ZFPM2: variants seen among roughly 807,000 people sequenced by gnomAD.
ZFPM2 encodes the protein zinc finger protein, FOG family member 2, also known as zinc finger protein ZFPM2.
ZFPM2 carries 20 observed loss-of-function variants against 98.6 expected under a neutral mutation model. The observed-to-expected ratio is 0.20, with a 90% CI of 0.14 to 0.29. The LOEUF (loss-of-function observed/expected upper bound fraction) is 0.29. ZFPM2 is among the 10% of genes least tolerant of loss of function. The pLI is 1.00. For synonymous variants in ZFPM2, 518 were observed against 502.7 expected (o/e 1.03, Z -0.41); for missense variants, 1,310 against 1,388.6 (o/e 0.94, Z 0.90).
At chr8:105,791,817 G>A (rs1813620751) in intron 6 of ZFPM2, among the ~76,000 whole-genome samples, 4 of 152,012 alleles carry the variant, frequency 2.6e-5, no homozygotes, top group African/African-American at 9.7e-5. Context: ...GTTTAGTCTT[G>A]GGAGAGTGTA....
At chr8:105,641,231 A>G (rs974020479) in intron 5 of ZFPM2, among the ~76,000 whole-genome samples, 2 of 152,006 alleles carry the variant, frequency 1.3e-5, no homozygotes, top group African/African-American at 4.8e-5. Context: ...ATTATGCTTA[A>G]CTCTGATAAT....
chr8:105,490,056 G>A (rs1232908309), intron 3 of ZFPM2, among the ~76,000 whole-genome samples: 2 of 151,910 alleles, frequency 1.3e-5, no homozygotes, highest in African/African-American at 4.8e-5. Context: ...AGACCAGCCC[G>A]ACCAACATGG....
intron 3 of ZFPM2, among the ~76,000 whole-genome samples, chr8:105,552,318 T>C (rs1435600669): frequency 2.0e-5 from 3 of 152,166 alleles, no homozygotes. Flanking sequence ...AGCCAAGTCC[T>C]CTTACTTCCA....
At chr8:105,651,372 G>C (rs1270647142) in intron 5 of ZFPM2, among the ~76,000 whole-genome samples, 1 of 151,550 alleles carries the variant, frequency 6.6e-6, no homozygotes, top group East Asian at 1.9e-4. Context: ...GGAGGCTGAG[G>C]CAGGAGAATT....
Position 105,802,398 on chromosome 8 carries a change from C to T in ZFPM2, c.2316C>T (p.Ser772=). ...DVANLNNPCT[S]TQEPTEGLGE... is the part of the protein sequence containing the mutation. ...CCAACCTCAATAATCCTTGTACCTC[C>T]ACTCAAGAACCCACAGAAGGGCTAG... The change falls in exon 8 of 8, where the codon TCC becomes TCT. Residue 772 remains serine (S), a synonymous_variant. Transcript: ENST00000407775. The T allele has an allele frequency of 6.2e-7, 1 of 1,613,754 alleles. No homozygotes were observed. Among genetic ancestry groups the T allele is most frequent in the South Asian group, 1.1e-5 (1 of 91,068 alleles).
intron 5 of ZFPM2, chr8:105,669,922 T>G (rs1016913847): frequency 3.3e-5 from 5 of 152,138 alleles, no homozygotes; most frequent in Non-Finnish European, 7.4e-5. Context: ...TTGCCTGAGT[T>G]CTTTTTCACC....
chr8:105,386,630 A>G (rs1430295401), intron 1 of ZFPM2, among the ~76,000 whole-genome samples: 2 of 152,108 alleles, frequency 1.3e-5, no homozygotes, highest in East Asian at 1.9e-4. Flanking sequence ...CAGCAGCAAG[A>G]TTTATTGCAC....
intron 5 of ZFPM2, among the ~76,000 whole-genome samples, chr8:105,749,705 C>T (rs1246829846): frequency 1.3e-5 from 2 of 149,242 alleles, no homozygotes; most frequent in African/African-American, 5.0e-5. Flanking sequence ...GAAGAGAGGT[C>T]AAAGAAGAGA....
chr8:105,334,215 G>A (rs1400838819), intron 1 of ZFPM2, among the ~76,000 whole-genome samples: 2 of 149,970 alleles, frequency 1.3e-5, no homozygotes, highest in Non-Finnish European at 3.0e-5. Flanking sequence ...TTATAATTAT[G>A]TTTTCAATTA....
At chr8:105,799,017 A>G (rs1813921124) in intron 7 of ZFPM2, 69 bp downstream of exon 7, 8 of 1,303,984 alleles carry the variant, frequency 6.1e-6, no homozygotes, top group Non-Finnish European at 8.7e-6. Flanking sequence ...TATATGCATT[A>G]CATGTATACG....
intron 3 of ZFPM2, among the ~76,000 whole-genome samples, chr8:105,464,489 A>T (rs571598329): frequency 6.6e-6 from 1 of 152,142 alleles, no homozygotes; most frequent in East Asian, 1.9e-4. Flanking sequence ...TTGTAAGAAA[A>T]TGATTTCATT....
At position 105,802,520 on chromosome 8, in the gene ZFPM2, A is replaced by G; in HGVS notation, c.2438A>G (p.Lys813Arg). The change falls in exon 8 of 8, where the codon AAA (lysine) becomes AGA (arginine). Residue 813 changes from lysine (K) to arginine (R), a missense_variant. Lys to Arg is a conservative substitution (Grantham distance 26). Coordinates refer to ENST00000407775, the MANE Select transcript of ZFPM2 (RefSeq NM_012082.4). ...LTINKCVPVS[K>R]CDTTHSSVSC... ...ATCAACAAGTGTGTTCCAGTTTCCA[A>G]ATGTGATACTACTCATTCCAGTGTT... The G allele has an allele frequency of 1.2e-6, 2 of 1,612,106 alleles. No homozygotes were observed. Among genetic ancestry groups the G allele is most frequent in the Non-Finnish European group, 8.5e-7 (1 of 1,179,044 alleles).
intron 4 of ZFPM2, among the ~76,000 whole-genome samples, chr8:105,588,345 T>C (rs1448873344): frequency 1.3e-5 from 2 of 152,108 alleles, no homozygotes; most frequent in Non-Finnish European, 2.9e-5. Context: ...AGAATTTCTA[T>C]GGGAAATGTA....
intron 4 of ZFPM2, among the ~76,000 whole-genome samples, chr8:105,563,890 A>C (rs1815190783): frequency 6.6e-6 from 1 of 152,164 alleles, no homozygotes; most frequent in South Asian, 2.1e-4. Flanking sequence ...TTGACATGCA[A>C]GATGAACATT....
At position 105,767,098 on chromosome 8, in the gene ZFPM2, A is replaced by G. The variant is rs572966526; in HGVS notation, c.533-21620A>G. On this transcript the variant is annotated intron_variant, in intron 5 of 7. Coordinates refer to ENST00000407775, the MANE Select transcript of ZFPM2 (RefSeq NM_012082.4). ...TCAAAGATACAATCTCATGATCACA[A>G]TAAATATTGTGGTTTTAAAACAGTG... 7.6e-4 allele frequency among the ~76,000 whole-genome samples: 116 copies of G among 151,980 alleles called. No individual in the cohort carries two copies. In the East Asian group the frequency reaches 0.013, roughly 17 times the overall value.
intron 1 of ZFPM2, among the ~76,000 whole-genome samples, chr8:105,354,469 C>T (rs1812704441): frequency 6.6e-6 from 1 of 152,154 alleles, no homozygotes; most frequent in African/African-American, 2.4e-5. Flanking sequence ...TTTGTTGTAG[C>T]AGATGTTATC....
At position 105,691,272 on chromosome 8, in the gene ZFPM2, C is replaced by T. The variant is rs1224641653; in HGVS notation, c.532+56915C>T. Among the ~76,000 whole-genome samples the T allele has an allele frequency of 1.4e-4, 12 of 88,006 alleles. 1 individual carries two copies. Among genetic ancestry groups the T allele is most frequent in the South Asian group, 4.3e-4 (1 of 2,344 alleles). 57.7% of individuals were successfully genotyped at this position (88,006 alleles called of 152,430 possible). ...TTTTTTTTTTTTTGAGACGGAGTCT[C>T]GCTCTGTCGCCCAGGCCGGACTGCG... On this transcript the variant is annotated intron_variant, in intron 5 of 7. Transcript: ENST00000407775.
At chr8:105,555,975 G>A (rs1485240984) in intron 3 of ZFPM2, among the ~76,000 whole-genome samples, 3 of 152,166 alleles carry the variant, frequency 2.0e-5, no homozygotes, top group South Asian at 2.1e-4. Context: ...GCAGTAGAAC[G>A]CAAGAGTCAG....
chr8:105,671,681 T>G (rs1481928465), intron 5 of ZFPM2, among the ~76,000 whole-genome samples: 1 of 152,126 alleles, frequency 6.6e-6, no homozygotes, highest in Non-Finnish European at 1.5e-5. Context: ...ATTTTTATTT[T>G]TAATCACTGT....
Sources: gnomAD v4.1 joint callset for allele counts (sites outside exome capture counted in the v4.1 genomes callset) on GRCh38, gnomAD v4.1.1 for gene constraint, MANE v1.5 for transcripts, NCBI Gene and HGNC (gene_info 2026-07-23, HGNC 2026-07-21) for gene names.